Variants in EPM2A observed in about 807,000 individuals in gnomAD.
EPM2A encodes the protein EPM2A glucan phosphatase, laforin.
A neutral mutation model predicts 26.5 loss-of-function variants in EPM2A; 21 were observed. The observed-to-expected ratio is 0.79, with a 90% CI of 0.56 to 1.14. EPM2A has a LOEUF of 1.14. Among genes scored for constraint, EPM2A ranks in the 50% most tolerant of loss-of-function variants. EPM2A has a pLI of 0.00. For missense variants in EPM2A, 458 were observed against 440.8 expected, an observed-to-expected ratio of 1.04 and a Z score of -0.35; for synonymous variants, 217 against 177.6, an observed-to-expected ratio of 1.22 and a Z score of -1.76.
intron 3 of EPM2A, chr6:145,631,233 G>C (rs908723229): frequency 6.6e-6 from 1 of 151,948 alleles, no homozygotes; most frequent in South Asian, 2.1e-4. Flanking sequence ...GGGTCCCCAG[G>C]AAGGTTCATC....
At chr6:145,659,689 G>T (rs962074069) in intron 2 of EPM2A, among the ~76,000 whole-genome samples, 1 of 152,144 alleles carries the variant, frequency 6.6e-6, no homozygotes, top group African/African-American at 2.4e-5. Flanking sequence ...GCCTAAAGCT[G>T]CCTCATTACA....
chr6:145,718,903 C>T (rs1775792944), intron 1 of EPM2A, among the ~76,000 whole-genome samples: 1 of 152,140 alleles, frequency 6.6e-6, no homozygotes, highest in Non-Finnish European at 1.5e-5. Context: ...CAGAGAAATG[C>T]AAATCAAAAC....
chr6:145,511,419 C>T (rs985740096), intron 2 of EPM2A, among the ~76,000 whole-genome samples: 1 of 152,118 alleles, frequency 6.6e-6, no homozygotes, highest in Admixed American at 6.5e-5. Context: ...ATCAAGTGGG[C>T]TTTATTCCTG....
intron 2 of EPM2A, among the ~76,000 whole-genome samples, chr6:145,550,072 A>G (rs1780634279): frequency 6.6e-6 from 1 of 152,152 alleles, no homozygotes. Flanking sequence ...GAAGGAACTC[A>G]AGAAACGTCA....
chr6:145,592,368 C>T (rs1002539202), intron 2 of EPM2A, among the ~76,000 whole-genome samples: 15 of 152,166 alleles, frequency 9.9e-5, no homozygotes, highest in South Asian at 2.1e-4. Flanking sequence ...GCAAAGTATT[C>T]CATGGTTTAT....
chr6:145,686,174 T>A lies in EPM2A; in HGVS notation c.424A>T (p.Thr142Ser). 6.2e-7 allele frequency: 1 copy of A among 1,614,064 alleles called. No individual in the cohort carries two copies. The highest frequency in any genetic ancestry group is 8.5e-7 in the Non-Finnish European group (1 of 1,179,948). The change falls in exon 2 of 4, where the codon ACA becomes TCA. Residue 142 changes from threonine to serine, a missense_variant. Physicochemically the swap from Thr to Ser is moderately conservative, Grantham distance 58 (BLOSUM62 1). Transcript: ENST00000367519. ...GCAATATTAAAATAGAAGTCTGTTG[T>A]GTGCTTCATTTCATTGGTGTGCCCA... ...ATGHTNEMKH[T>S]TDFYFNIAGH... is the part of the protein sequence containing the mutation.
intron 1 of EPM2A, among the ~76,000 whole-genome samples, chr6:145,701,168 T>C (rs1562502312): frequency 6.6e-6 from 1 of 152,250 alleles, no homozygotes; most frequent in African/African-American, 2.4e-5. Flanking sequence ...AATCATAAAC[T>C]ACACATGTAT....
intron 2 of EPM2A, among the ~76,000 whole-genome samples, chr6:145,661,151 G>A (rs914719735): frequency 6.6e-6 from 1 of 152,068 alleles, no homozygotes; most frequent in African/African-American, 2.4e-5. Context: ...TAAGAAAGGG[G>A]AACAGAAGGG....
chr6:145,610,973 C>A (rs4896825), intron 2 of EPM2A, among the ~76,000 whole-genome samples: 2,503 of 152,210 alleles, frequency 0.016, 21 homozygotes, highest in Non-Finnish European at 0.023. Context: ...AACCAGTTTG[C>A]TTCCTTTTTT....
rs61299104 is a variant in EPM2A, at chr6:145,390,563, T to TTCTCTCTCTCTCTCTCTCTCTCTC, written c.556-6467_556-6466insGAGAGAGAGAGAGAGAGAGAGAGA. Among the ~76,000 whole-genome samples, 15 of 148,520 alleles carry TTCTCTCTCTCTCTCTCTCTCTCTC rather than the reference T, an allele frequency of 1.0e-4. 1 individual carries two copies. Among genetic ancestry groups the TTCTCTCTCTCTCTCTCTCTCTCTC allele is most frequent in the African/African-American group, 3.5e-4 (14 of 40,362 alleles). On this transcript the variant is annotated intron_variant, in intron 4 of 4. Transcript: ENST00000638717. Reference sequence around the variant, plus strand: ...TATTTATCCATGTTGTGCATGCACATTCTCTCTCTCTCTCTCTCTCTCTTT... The same window carrying TTCTCTCTCTCTCTCTCTCTCTCTC: ...TATTTATCCATGTTGTGCATGCACATTCTCTCTCTCTCTCTCTCTCTCTCTCTCTCTCTCTCTCTCTCTCTCTTT...
At chr6:145,611,009 C>T (rs1413139506) in intron 2 of EPM2A, among the ~76,000 whole-genome samples, 2 of 152,030 alleles carry the variant, frequency 1.3e-5, no homozygotes, top group African/African-American at 4.8e-5. Context: ...GATAACAGTT[C>T]TATAATGAGC....
intron 4 of EPM2A, among the ~76,000 whole-genome samples, chr6:145,420,016 A>G (rs1362172080): frequency 2.0e-5 from 3 of 152,124 alleles, no homozygotes; most frequent in Non-Finnish European, 4.4e-5. Flanking sequence ...GAAAATGTTA[A>G]GAATATTTAA....
intron 2 of EPM2A, chr6:145,684,986 C>G (rs1286965816): frequency 1.2e-4 from 18 of 152,138 alleles, no homozygotes; most frequent in Admixed American, 1.2e-3. Flanking sequence ...TTACCTCTCA[C>G]AACTCGGTTT....
chr6:145,432,267 T>A (rs980732084), intron 4 of EPM2A, among the ~76,000 whole-genome samples: 11 of 152,188 alleles, frequency 7.2e-5, no homozygotes, highest in Non-Finnish European at 1.3e-4. Flanking sequence ...ATGAACTCTT[T>A]CCAGAAGGTT....
intron 1 of EPM2A, among the ~76,000 whole-genome samples, chr6:145,692,266 T>C (rs1781325942): frequency 6.6e-6 from 1 of 151,986 alleles, no homozygotes; most frequent in African/African-American, 2.4e-5. Context: ...TCCAGAATTA[T>C]AGTTTAAGAC....
chr6:145,636,902 C>A (rs895909351), intron 2 of EPM2A: 1 of 139,338 alleles, frequency 7.2e-6, no homozygotes, highest in African/African-American at 2.7e-5. Flanking sequence ...CCAGCCTGGG[C>A]GATGGGGCAA....
At chr6:145,400,025 A>C (rs1778461154) in intron 4 of EPM2A, among the ~76,000 whole-genome samples, 1 of 152,142 alleles carries the variant, frequency 6.6e-6, no homozygotes, top group African/African-American at 2.4e-5. Context: ...TGCTGCTTAA[A>C]AGGTTTTAAG....
chr6:145,642,985 G>A (rs1031929735), intron 2 of EPM2A, among the ~76,000 whole-genome samples: 1 of 152,148 alleles, frequency 6.6e-6, no homozygotes, highest in African/African-American at 2.4e-5. Flanking sequence ...ATTTGATTGG[G>A]TAGCAGGTGT....
intron 2 of EPM2A, among the ~76,000 whole-genome samples, chr6:145,674,439 T>C (rs2128602666): frequency 6.6e-6 from 1 of 152,252 alleles, no homozygotes; most frequent in East Asian, 1.9e-4. Flanking sequence ...AGAATGACTT[T>C]GACAAGCTGA....
Sources: allele counts gnomAD v4.1 joint callset (sites outside exome capture counted in the v4.1 genomes callset), GRCh38; gene constraint gnomAD v4.1.1; transcripts MANE v1.5; gene names NCBI Gene and HGNC (gene_info 2026-07-23, HGNC 2026-07-21).